NECTIN1: variants seen among roughly 807,000 people sequenced by gnomAD.
The protein encoded by NECTIN1 is nectin cell adhesion molecule 1.
In NECTIN1, 23 loss-of-function variants were observed where a neutral mutation model predicts 48.0. The ratio of observed to expected loss-of-function variants is 0.48; its 90% CI spans 0.34 to 0.68. NECTIN1 has a LOEUF of 0.68. Among genes scored for constraint, NECTIN1 ranks in the 30% least tolerant of loss-of-function variants. The probability of loss-of-function intolerance (pLI) is 0.01; values close to 1 mark genes in which losing one functional copy is unlikely to be tolerated. For missense variants in NECTIN1, 591 were observed against 709.9 expected (o/e 0.83, Z 1.90); for synonymous variants, 270 against 288.9 (o/e 0.93, Z 0.66).
Position 119,665,440 on chromosome 11 carries a change from C to T in NECTIN1, c.1004-143G>A. 7.2e-7 allele frequency: 1 copy of T among 1,392,606 alleles called. No homozygotes were observed. Among genetic ancestry groups the T allele is most frequent in the South Asian group, 1.5e-5 (1 of 66,384 alleles). 86.3% of individuals were successfully genotyped at this position (1,392,606 alleles called of 1,614,324 possible). ...GTTTGAGCAGCTCCAGTTCGAGGCC[C>T]CGCAGCACTCCACCCATCCTGGAGC... On this transcript the variant is annotated intron_variant, in intron 5 of 5. Transcript: ENST00000264025. The surrounding 1 kb of genome is among the most constrained non-coding windows in gnomAD (Gnocchi z 5.1).
intron 1 of NECTIN1, among the ~76,000 whole-genome samples, chr11:119,691,670 T>A (rs1293698088): frequency 6.6e-6 from 1 of 152,198 alleles, no homozygotes; most frequent in Admixed American, 6.5e-5. Context: ...CCTTGGCACT[T>A]AACTAGCAGT....
chr11:119,677,029 G>T lies in NECTIN1; in HGVS notation c.851+73C>A. ...CCTGCCTAAAGGCTCCTGGAGGTAG[G>T]ATGGTTGCCCCTCATCACCCGTGGT... On this transcript the variant is annotated intron_variant, in intron 4 of 5. Transcript: ENST00000264025. The surrounding 1 kb of genome is among the most constrained non-coding windows in gnomAD (Gnocchi z 5.4). 1 of 1,303,316 alleles carries T rather than the reference G, an allele frequency of 7.7e-7. No homozygotes were observed. Among genetic ancestry groups the T allele is most frequent in the Non-Finnish European group, 1.1e-6 (1 of 897,216 alleles). The allele number at this position is 1,303,316 out of a possible 1,614,324, so 80.7% of individuals were successfully genotyped here.
At chr11:119,666,801 G>GT (rs1351975283) in intron 5 of NECTIN1, among the ~76,000 whole-genome samples, 1 of 152,232 alleles carries the variant, frequency 6.6e-6, no homozygotes, top group Non-Finnish European at 1.5e-5. Context: ...CTCCTGGGGC[G>GT]TGTGTGGGGT....
intron 1 of NECTIN1, among the ~76,000 whole-genome samples, chr11:119,724,708 T>C (rs1376729344): frequency 6.6e-6 from 1 of 152,162 alleles, no homozygotes; most frequent in Admixed American, 6.5e-5. Flanking sequence ...CACAAGCACA[T>C]ACACCTTCTA....
At chr11:119,660,562 C>G (rs752106189), downstream of NECTIN1, among the ~76,000 whole-genome samples, 124 of 152,232 alleles carry the variant, frequency 8.1e-4, no homozygotes, top group Non-Finnish European at 1.6e-3. Context: ...CTCCAAACAG[C>G]CACAGGAGGG....
rs1297712243 is a variant in NECTIN1 at position 119,709,297 on chromosome 11, C to T, written c.79+19178G>A. 1.3e-5 allele frequency among the ~76,000 whole-genome samples: 2 copies of T among 152,154 alleles called. No homozygotes were observed. The highest frequency in any genetic ancestry group is 2.9e-5 in the Non-Finnish European group (2 of 68,026). Reference sequence around the variant, plus strand: ...CCCCCTCACTCATATCCCCAGTGTACCAGGGCCTGTCTCAGCCCCTGAGAA... The same window carrying T: ...CCCCCTCACTCATATCCCCAGTGTATCAGGGCCTGTCTCAGCCCCTGAGAA... On this transcript the variant is annotated intron_variant, in intron 1 of 5. Coordinates refer to ENST00000264025, the MANE Select transcript of NECTIN1 (RefSeq NM_002855.5). This position sits in a 1 kb window ranked among gnomAD's most constrained non-coding sequence, Gnocchi z 4.1.
rs545585872 is a variant in NECTIN1, at chr11:119,646,427, G to A, written c.1004-6415C>T. ...GGATGAAGTTGCTGCTGACGGTAAC[G>A]GGGATGATGTTGGCCCATCCCCCCT... On this transcript the variant is annotated intron_variant, in intron 5 of 7. Transcript: ENST00000341398. 2.6e-3 allele frequency among the ~76,000 whole-genome samples: 394 copies of A among 152,334 alleles called. 3 individuals carry two copies. The highest frequency in any genetic ancestry group is 1.7e-3 in the Non-Finnish European group (116 of 68,030).
chr11:119,674,755 A>T (rs1236204205), intron 5 of NECTIN1: 1 of 1,599,206 alleles, frequency 6.3e-7, no homozygotes, highest in African/African-American at 1.3e-5. Flanking sequence ...TTTCTGGCCC[A>T]TGAAGAGGTC....
chr11:119,724,490 C>T (rs144765969), intron 1 of NECTIN1, among the ~76,000 whole-genome samples: 19 of 152,254 alleles, frequency 1.2e-4, no homozygotes, highest in East Asian at 3.9e-4. Context: ...CCAAAGGACC[C>T]GGTAGTGTGT....
intron 1 of NECTIN1, among the ~76,000 whole-genome samples, chr11:119,686,816 C>T (rs772945172): frequency 1.3e-5 from 2 of 152,196 alleles, no homozygotes; most frequent in Non-Finnish European, 2.9e-5. Flanking sequence ...TGTTCCTGCA[C>T]CCCCAGGGTC....
chr11:119,698,142 C>T (rs759697465), intron 1 of NECTIN1, among the ~76,000 whole-genome samples: 3 of 152,266 alleles, frequency 2.0e-5, no homozygotes, highest in Non-Finnish European at 4.4e-5. Context: ...GGCAAAGGCT[C>T]CCAAGTGGAC....
At chr11:119,656,271 C>T (rs941865701), downstream of NECTIN1, 4 of 152,160 alleles carry the variant, frequency 2.6e-5, no homozygotes, top group African/African-American at 9.6e-5. Flanking sequence ...TCTGTGCTAG[C>T]TCTGGGCTGG....
rs543545778 is a variant in NECTIN1 at position 119,718,326 on chromosome 11, G to A, written c.79+10149C>T. On this transcript the variant is annotated intron_variant, in intron 1 of 5. Coordinates refer to ENST00000264025, the MANE Select transcript of NECTIN1 (RefSeq NM_002855.5). ...ATGAAGCTGAGGACGCCTGGACCCA[G>A]GATCAATGCCTCTCTCCCCAGCTTG... is the stretch of plus-strand genomic sequence containing the variant. Among the ~76,000 whole-genome samples the A allele has an allele frequency of 1.2e-4, 19 of 152,342 alleles. No individual in the cohort carries two copies. The South Asian group carries it at 3.9e-3, about 32-fold the overall frequency.
intron 5 of NECTIN1, among the ~76,000 whole-genome samples, chr11:119,653,149 G>A (rs1488836435): frequency 3.3e-5 from 5 of 152,176 alleles, no homozygotes; most frequent in African/African-American, 1.2e-4. Flanking sequence ...GGTGACATGG[G>A]TGTGTACAAA....
intron 5 of NECTIN1, among the ~76,000 whole-genome samples, chr11:119,647,612 C>G (rs1864415542): frequency 6.6e-6 from 1 of 151,938 alleles, no homozygotes; most frequent in Non-Finnish European, 1.5e-5. Context: ...CTCTTTCCTC[C>G]CTATCTGCTT....
chr11:119,708,223 A>G (rs1865580257), intron 1 of NECTIN1, among the ~76,000 whole-genome samples: 1 of 152,136 alleles, frequency 6.6e-6, no homozygotes, highest in Non-Finnish European at 1.5e-5. Context: ...AGAGACAGAG[A>G]CAGACAGAGA....
intron 5 of NECTIN1, among the ~76,000 whole-genome samples, chr11:119,652,965 C>A (rs974943680): frequency 2.0e-5 from 3 of 152,196 alleles, no homozygotes; most frequent in Non-Finnish European, 2.9e-5. Context: ...GGACAACAGA[C>A]CTCATGGGTG....
At position 119,677,128 on chromosome 11, in the gene NECTIN1, G is replaced by A; in HGVS notation, c.825C>T (p.Pro275=). 1 of 1,614,146 alleles carries A rather than the reference G, an allele frequency of 6.2e-7. No individual in the cohort carries two copies. Among genetic ancestry groups the A allele is most frequent in the Non-Finnish European group, 8.5e-7 (1 of 1,180,028 alleles). ...VKLTCKADAN[P]PATEYHWTTL... ...TGGTCCAGTGGTACTCAGTGGCTGG[G>A]GGGTTAGCATCAGCTTTGCAGGTGA... The change falls in exon 4 of 6, where the codon CCC becomes CCT. Residue 275 remains proline (P), a synonymous_variant. Coordinates refer to ENST00000264025, the MANE Select transcript of NECTIN1 (RefSeq NM_002855.5). The surrounding 1 kb of genome is among the most constrained non-coding windows in gnomAD (Gnocchi z 5.4).
chr11:119,680,817 G>C (rs902199292), intron 1 of NECTIN1, among the ~76,000 whole-genome samples: 39 of 152,240 alleles, frequency 2.6e-4, no homozygotes, highest in Non-Finnish European at 4.9e-4. Flanking sequence ...CCCTCTGCCA[G>C]CCTGTGGGGT....
Sources: allele counts gnomAD v4.1 joint callset (sites outside exome capture counted in the v4.1 genomes callset), GRCh38; gene constraint gnomAD v4.1.1; non-coding constraint Gnocchi (gnomAD v3.1); transcripts MANE v1.5; gene names NCBI Gene and HGNC (gene_info 2026-07-23, HGNC 2026-07-21).